SWT1: variants seen among roughly 807,000 people sequenced by gnomAD.
SWT1 encodes SWT1 RNA endoribonuclease homolog, also known as transcriptional protein SWT1.
SWT1 carries 33 observed loss-of-function variants against 107.3 expected under a neutral mutation model. The ratio of observed to expected loss-of-function variants is 0.31; its 90% CI spans 0.23 to 0.41. SWT1 has a LOEUF of 0.41. Among genes scored for constraint, SWT1 ranks in the 10% least tolerant of loss-of-function variants. The probability of loss-of-function intolerance (pLI) is 1.00; values close to 1 mark genes in which losing one functional copy is unlikely to be tolerated. For synonymous variants in SWT1, 345 were observed against 348.3 expected, an observed-to-expected ratio of 0.99 and a Z score of 0.11; for missense variants, 898 against 1,028.9, an observed-to-expected ratio of 0.87 and a Z score of 1.74.
chr1:185,177,097 A>C, intron 5 of SWT1: 1 of 956,980 alleles, frequency 1.0e-6, no homozygotes, highest in Non-Finnish European at 1.2e-6. Context: ...TTTTTAGTTT[A>C]AGTGAACTGG....
intron 16 of SWT1, among the ~76,000 whole-genome samples, chr1:185,237,310 A>G (rs1453584211): frequency 6.6e-6 from 1 of 152,236 alleles, no homozygotes; most frequent in Non-Finnish European, 1.5e-5. Flanking sequence ...CCAAATGCCT[A>G]TCAATGATAG....
intron 10 of SWT1, among the ~76,000 whole-genome samples, chr1:185,192,520 G>C (rs1435733984): frequency 6.6e-6 from 1 of 151,764 alleles, no homozygotes; most frequent in Non-Finnish European, 1.5e-5. Context: ...CTGGGCTCAA[G>C]TGATCCTCCT....
At chr1:185,252,573 A>G (rs1204199381) in intron 16 of SWT1, among the ~76,000 whole-genome samples, 2 of 152,040 alleles carry the variant, frequency 1.3e-5, no homozygotes, top group Non-Finnish European at 2.9e-5. Context: ...GGCTGCATAA[A>G]TGTCTTCTTT....
At chr1:185,191,754 T>C (rs1656968942) in intron 10 of SWT1, among the ~76,000 whole-genome samples, 1 of 152,194 alleles carries the variant, frequency 6.6e-6, no homozygotes, top group South Asian at 2.1e-4. Flanking sequence ...AAGTAATTCT[T>C]TGTTATGTAA....
At chr1:185,192,647 C>T (rs1408622688) in intron 10 of SWT1, among the ~76,000 whole-genome samples, 1 of 150,742 alleles carries the variant, frequency 6.6e-6, no homozygotes, top group Non-Finnish European at 1.5e-5. Context: ...TGTAACGCCT[C>T]TCTTTTTTTT....
chr1:185,176,348 A>G (rs949483630), intron 5 of SWT1, among the ~76,000 whole-genome samples: 3 of 144,638 alleles, frequency 2.1e-5, no homozygotes, highest in Non-Finnish European at 4.4e-5. Context: ...TAACATTTAA[A>G]CAGACCTAAA....
intron 12 of SWT1, among the ~76,000 whole-genome samples, chr1:185,205,692 T>C (rs1658278217): frequency 6.6e-6 from 1 of 152,200 alleles, no homozygotes; most frequent in Non-Finnish European, 1.5e-5. Context: ...GCATCAATCA[T>C]AGCTTGTATC....
intron 16 of SWT1, among the ~76,000 whole-genome samples, chr1:185,257,189 TCAGA>T (rs1400958266): frequency 6.6e-6 from 1 of 152,154 alleles, no homozygotes; most frequent in Non-Finnish European, 1.5e-5. Flanking sequence ...TTCAAAGCTG[TCAGA>T]CAGGGACATT....
rs763682428 is a variant in SWT1 at position 185,174,970 on chromosome 1, G to A, written c.823G>A (p.Val275Ile). The A allele has an allele frequency of 6.2e-6, 10 of 1,613,886 alleles. No homozygotes were observed. The Admixed American group carries it at 1.5e-4, about 24-fold the overall frequency. ...AAGAGAATACCTGGAAAGCTCCCAG[G>A]TTTCATTAAATGTGACTAGGCAGAA... ...EEREYLESSQVSLNVTRQKTE... is the reference protein window; with the variant it reads ...EEREYLESSQISLNVTRQKTE... The change falls in exon 5 of 19, where the codon GTT becomes ATT. Residue 275 changes from valine to isoleucine, a missense_variant. This residue lies in a region of SWT1 where 382 missense variants were observed against 362.4 expected (regional missense o/e 1.05). Transcript: ENST00000367500.
chr1:185,239,928 A>G (rs1456530736), intron 16 of SWT1, among the ~76,000 whole-genome samples: 1 of 152,070 alleles, frequency 6.6e-6, no homozygotes, highest in Non-Finnish European at 1.5e-5. Flanking sequence ...TCTACTTTCT[A>G]TATTGATCAA....
Position 185,231,090 on chromosome 1 carries a change from A to G in SWT1, c.2310-487A>G, listed in dbSNP as rs1276751450. Reference sequence around the variant, plus strand: ...CAAGTGGCCAACTTACTGATGACTTAACACTGCTTATATTGTTATACATTT... The same window carrying G: ...CAAGTGGCCAACTTACTGATGACTTGACACTGCTTATATTGTTATACATTT... On this transcript the variant is annotated intron_variant, in intron 15 of 18. Transcript: ENST00000367500. Among the ~76,000 whole-genome samples, 3 of 152,286 alleles carry G rather than the reference A, an allele frequency of 2.0e-5. No individual in the cohort carries two copies. In the East Asian group the frequency reaches 5.8e-4, roughly 29 times the overall value.
At chr1:185,213,801 C>A (rs1021784414) in intron 13 of SWT1, among the ~76,000 whole-genome samples, 5 of 152,082 alleles carry the variant, frequency 3.3e-5, no homozygotes, top group Non-Finnish European at 4.4e-5. Flanking sequence ...ATTATTGTCA[C>A]CAGCTTTCCC....
chr1:185,237,906 T>C (rs561916790), intron 16 of SWT1, among the ~76,000 whole-genome samples: 17 of 152,128 alleles, frequency 1.1e-4, no homozygotes, highest in Non-Finnish European at 1.9e-4. Flanking sequence ...ATACAATTTG[T>C]TACTCTTTCA....
At chr1:185,234,465 A>G (rs1038960674) in intron 16 of SWT1, among the ~76,000 whole-genome samples, 12 of 152,212 alleles carry the variant, frequency 7.9e-5, no homozygotes, top group African/African-American at 2.9e-4. Context: ...TTTGCTTCGT[A>G]AATATTCCTC....
intron 16 of SWT1, among the ~76,000 whole-genome samples, chr1:185,270,302 T>TTTTC (rs1553267919): frequency 1.4e-5 from 2 of 146,180 alleles, no homozygotes; most frequent in Non-Finnish European, 3.0e-5. Context: ...TTTTTTTTTT[T>TTTTC]CCAAAAGAAA....
intron 17 of SWT1, 93 bp from the exon 18 acceptor site, chr1:185,276,511 G>T: frequency 3.3e-6 from 2 of 608,106 alleles, no homozygotes; most frequent in East Asian, 3.2e-5. Flanking sequence ...CTAGAAATTT[G>T]AACTTTCCTC....
chr1:185,214,065 A>C (rs749192426), intron 13 of SWT1, among the ~76,000 whole-genome samples: 42 of 152,188 alleles, frequency 2.8e-4, no homozygotes, highest in Admixed American at 5.9e-4. Context: ...ATCACTATGT[A>C]GATAGCTGAG....
intron 10 of SWT1, among the ~76,000 whole-genome samples, chr1:185,191,712 A>G (rs1656965857): frequency 6.6e-6 from 1 of 152,186 alleles, no homozygotes; most frequent in Admixed American, 6.5e-5. Context: ...TTAATAATAT[A>G]TAAATCATTT....
chr1:185,264,322 G>A (rs1009610536), intron 16 of SWT1: 75 of 984,172 alleles, frequency 7.6e-5, no homozygotes, highest in Non-Finnish European at 8.3e-5. Context: ...CAGGACTAAG[G>A]AGAGAAGACC....
Sources: allele counts gnomAD v4.1 joint callset (sites outside exome capture counted in the v4.1 genomes callset), GRCh38; gene constraint gnomAD v4.1.1; regional missense constraint gnomAD v4.1.1; transcripts MANE v1.5; gene names NCBI Gene and HGNC (gene_info 2026-07-23, HGNC 2026-07-21).